CALU: variants seen among roughly 807,000 people sequenced by gnomAD.
CALU encodes the protein calumenin, also known as IEF SSP 9302.
CALU carries 13 observed loss-of-function variants against 37.5 expected under a neutral mutation model. The ratio of observed to expected loss-of-function variants is 0.35; its 90% CI spans 0.23 to 0.55. CALU has a LOEUF of 0.55. Among genes scored for constraint, CALU ranks in the 20% least tolerant of loss-of-function variants. The pLI is 0.89. For missense variants in CALU, 282 were observed against 391.7 expected (o/e 0.72, Z 2.36); for synonymous variants, 114 against 133.8 (o/e 0.85, Z 1.02).
intron 1 of CALU, among the ~76,000 whole-genome samples, chr7:128,741,016 A>G (rs1002146577): frequency 1.3e-5 from 2 of 152,188 alleles, no homozygotes; most frequent in East Asian, 1.9e-4. Context: ...CTAGAGGTAT[A>G]TAACACCACA....
intron 2 of CALU, among the ~76,000 whole-genome samples, chr7:128,751,770 A>G (rs942104520): frequency 6.6e-6 from 1 of 152,176 alleles, no homozygotes; most frequent in Admixed American, 6.5e-5. Context: ...CACACTGAAA[A>G]TTTCAGGAAT....
rs1801668634 is a variant in CALU, at chr7:128,773,291, TTTTA to T, written c.*4129_*4132del. Among the ~76,000 whole-genome samples the T allele has an allele frequency of 6.6e-6, 1 of 152,216 alleles. No individual in the cohort carries two copies. Among genetic ancestry groups the T allele is most frequent in the African/African-American group, 2.4e-5 (1 of 41,442 alleles). The stretch of plus-strand genomic sequence containing the variant: ...TGAGTTTTTATTTTTATTTTTTTAA[TTTTA>T]TTTAAGTTCCAGGATACATGTGCAG... On this transcript the variant is annotated 3_prime_UTR_variant, in exon 7 of 7. Transcript: ENST00000249364.
intron 1 of CALU, among the ~76,000 whole-genome samples, chr7:128,742,618 A>G (rs981970525): frequency 2.0e-5 from 3 of 152,202 alleles, no homozygotes; most frequent in Non-Finnish European, 4.4e-5. Context: ...TGGATACACT[A>G]TGGACACTAA....
At chr7:128,763,890 A>G (rs1191184748) in intron 5 of CALU, among the ~76,000 whole-genome samples, 2 of 152,244 alleles carry the variant, frequency 1.3e-5, no homozygotes, top group African/African-American at 2.4e-5. Flanking sequence ...GGAAAATGGC[A>G]GCACTGACTA....
intron 5 of CALU, among the ~76,000 whole-genome samples, chr7:128,766,271 T>C (rs1259422945): frequency 1.3e-5 from 2 of 151,976 alleles, no homozygotes. Flanking sequence ...CCAAAAATTA[T>C]GTTTAATGAT....
chr7:128,760,671 G>A (rs1365952671), intron 5 of CALU, among the ~76,000 whole-genome samples: 1 of 152,182 alleles, frequency 6.6e-6, no homozygotes, highest in Non-Finnish European at 1.5e-5. Context: ...CACTTTGGGA[G>A]GCCGAGGCGG....
chr7:128,745,453 T>A (rs80039457), intron 1 of CALU, among the ~76,000 whole-genome samples: 5 of 143,232 alleles, frequency 3.5e-5, no homozygotes, highest in African/African-American at 5.0e-5. Context: ...TTTTTTTTTT[T>A]AATTTGCTGT....
intron 1 of CALU, among the ~76,000 whole-genome samples, chr7:128,741,440 C>G (rs1800235785): frequency 6.6e-6 from 1 of 152,208 alleles, no homozygotes; most frequent in Non-Finnish European, 1.5e-5. Flanking sequence ...GATATGTAGA[C>G]ATTCTTCCAG....
intron 1 of CALU, among the ~76,000 whole-genome samples, chr7:128,742,933 A>G (rs887593381): frequency 4.6e-5 from 7 of 152,252 alleles, no homozygotes. Context: ...ATGCTGTCCA[A>G]TAAAAATATA....
At chr7:128,761,197 C>G (rs1418022517) in intron 5 of CALU, 1 of 151,892 alleles carries the variant, frequency 6.6e-6, no homozygotes, top group Non-Finnish European at 1.5e-5. Context: ...TAATTTCTCC[C>G]AAGTAAAGCT....
chr7:128,742,014 TATAA>T lies in CALU; in HGVS notation c.-12+2585_-12+2588del, dbSNP rs1800259951. Among the ~76,000 whole-genome samples the T allele has an allele frequency of 1.3e-5, 2 of 152,226 alleles. 1 individual carries two copies. The highest frequency in any genetic ancestry group is 4.1e-4 in the South Asian group (2 of 4,824). ...TACACTTCTATTATCTCAGCTGTCT[TATAA>T]ATGTATTCCCTCCATCACACAATAT... On this transcript the variant is annotated intron_variant, in intron 1 of 6. Coordinates refer to ENST00000249364, the MANE Select transcript of CALU (RefSeq NM_001219.5).
In CALU at chr7:128,748,789, G is replaced by T. The variant is rs1426089916; in HGVS notation, c.206G>T (p.Ser69Ile). The change falls in exon 2 of 7, where the codon AGC (serine) becomes ATC (isoleucine). Residue 69 changes from serine to isoleucine, a missense_variant. Ser to Ile is a moderately radical substitution (Grantham distance 142). Coordinates refer to ENST00000249364, the MANE Select transcript of CALU (RefSeq NM_001219.5). ...TTTGATCAGCTGACACCAGAAGAGA[G>T]CAAGGAAAGGCTTGGGTAAGGTACC... is the stretch of plus-strand genomic sequence containing the variant. ...KTFDQLTPEE[S>I]KERLGKIVSK... 6.2e-7 allele frequency: 1 copy of T among 1,613,748 alleles called. No homozygotes were observed. The highest frequency in any genetic ancestry group is 1.1e-5 in the South Asian group (1 of 91,070).
chr7:128,766,114 C>T (rs1585020113), intron 5 of CALU, among the ~76,000 whole-genome samples: 1 of 151,984 alleles, frequency 6.6e-6, no homozygotes, highest in Admixed American at 6.6e-5. Context: ...TGGGCCAGCA[C>T]GCCCGGCTAA....
chr7:128,759,091 A>C, intron 4 of CALU, 54 bp downstream of exon 4: 1 of 1,434,804 alleles, frequency 7.0e-7, no homozygotes, highest in Non-Finnish European at 9.6e-7. Context: ...TTTGTGGCTT[A>C]TTCTGTCTTT....
In CALU at chr7:128,759,678, C is replaced by T. The variant is rs1463324312; in HGVS notation, c.583-114C>T. On this transcript the variant is annotated intron_variant, in intron 4 of 6. Coordinates refer to ENST00000249364, the MANE Select transcript of CALU (RefSeq NM_001219.5). ...GCATACATACATACATACATACATACATGTACAAGTGTGTTTAATGAATAA... is the reference window on the plus strand; with the variant it reads ...GCATACATACATACATACATACATATATGTACAAGTGTGTTTAATGAATAA... 7.4e-5 allele frequency: 49 copies of T among 664,542 alleles called. No individual in the cohort carries two copies. The Admixed American group carries it at 1.0e-3, about 14-fold the overall frequency. The allele number at this position is 664,542 out of a possible 1,614,324, so 41.2% of individuals were successfully genotyped here.
At position 128,772,066 on chromosome 7, in the gene CALU, TTTTTTTTTGTTTTG is replaced by T. The variant is rs1801595852; in HGVS notation, c.*2904_*2917del. On this transcript the variant is annotated 3_prime_UTR_variant, in exon 7 of 7. Coordinates refer to ENST00000249364, the MANE Select transcript of CALU (RefSeq NM_001219.5). ...TTGGGGCCACTGAGTTTTTTTTGTT[TTTTTTTTTGTTTTG>T]TTTTGTTTTTTCTTTATGTCTCTCC... Among the ~76,000 whole-genome samples the T allele has an allele frequency of 1.4e-5, 1 of 71,452 alleles. No individual in the cohort carries two copies. The highest frequency in any genetic ancestry group is 4.0e-5 in the Non-Finnish European group (1 of 25,172). The allele number at this position is 71,452 out of a possible 152,430, so 46.9% of individuals were successfully genotyped here. A position where few individuals can be genotyped will look rare whatever the true frequency, so the allele number is the denominator to read the frequency against.
At chr7:128,763,385 C>T (rs1170318503) in intron 5 of CALU, among the ~76,000 whole-genome samples, 1 of 151,944 alleles carries the variant, frequency 6.6e-6, no homozygotes, top group East Asian at 1.9e-4. Flanking sequence ...AAAAATTAGC[C>T]AGGTGTGGTG....
At chr7:128,767,717 T>A in intron 6 of CALU, 62 bp downstream of exon 6, 1 of 1,361,522 alleles carries the variant, frequency 7.3e-7, no homozygotes, top group Non-Finnish European at 1.0e-6. Flanking sequence ...GGGGATCACC[T>A]GAACAGTTTC....
chr7:128,741,380 G>A (rs1800234052), intron 1 of CALU, among the ~76,000 whole-genome samples: 1 of 152,178 alleles, frequency 6.6e-6, no homozygotes, highest in South Asian at 2.1e-4. Flanking sequence ...TCAAAAAAGT[G>A]CAAGACAATG....
Sources: gnomAD v4.1 joint callset for allele counts (sites outside exome capture counted in the v4.1 genomes callset) on GRCh38, gnomAD v4.1.1 for gene constraint, MANE v1.5 for transcripts, NCBI Gene and HGNC (gene_info 2026-07-23, HGNC 2026-07-21) for gene names.